The following DISP1 variants were observed in gnomAD, a reference collection of about 807,000 sequenced individuals.
DISP1 encodes the protein protein dispatched homolog 1.
DISP1 carries 30 observed loss-of-function variants against 37.3 expected under a neutral mutation model. The observed-to-expected ratio is 0.80, with a 90% confidence interval of 0.60 to 1.09. DISP1 has a LOEUF of 1.09. Among genes scored for constraint, DISP1 ranks in the 50% least tolerant of loss-of-function variants. DISP1 has a pLI of 0.00. For synonymous variants in DISP1, 634 were observed against 690.2 expected, an observed-to-expected ratio of 0.92 and a Z score of 1.28; for missense variants, 1,598 against 1,879.5, an observed-to-expected ratio of 0.85 and a Z score of 2.77.
In DISP1 at chr1:222,992,123, G is replaced by A. The variant is rs1678742897; in HGVS notation, c.889+13G>A. 1 of 1,596,866 alleles carries A rather than the reference G, an allele frequency of 6.3e-7. No individual in the cohort carries two copies. The highest frequency in any genetic ancestry group is 1.3e-5 in the African/African-American group (1 of 74,638). On this transcript the variant is annotated intron_variant, in intron 7 of 8. Transcript: ENST00000675850. The stretch of plus-strand genomic sequence containing the variant: ...TGCGACGTTCCAAGTGAGTGACATT[G>A]TAGATGAACAAACCACTCAGCAGTT...
chr1:222,968,746 C>T (rs997015325), intron 3 of DISP1, among the ~76,000 whole-genome samples: 4 of 151,858 alleles, frequency 2.6e-5, no homozygotes, highest in Admixed American at 6.6e-5. Context: ...CCAGCCTGGC[C>T]AACATGGTGA....
chr1:222,992,550 G>T (rs892601038), intron 7 of DISP1, among the ~76,000 whole-genome samples: 1 of 152,188 alleles, frequency 6.6e-6, no homozygotes, highest in Non-Finnish European at 1.5e-5. Flanking sequence ...ATGGCTTAAA[G>T]TTCTGATTCA....
chr1:222,885,469 CTTTTTTTTTT>C (rs759594613), intron 1 of DISP1, among the ~76,000 whole-genome samples: 2 of 132,862 alleles, frequency 1.5e-5, no homozygotes, highest in Non-Finnish European at 3.3e-5. Context: ...GATTTCTTTT[CTTTTTTTTTT>C]TTTTTTTGAG....
chr1:222,905,069 TAAGA>T (rs1409728567), intron 1 of DISP1, among the ~76,000 whole-genome samples: 1 of 152,122 alleles, frequency 6.6e-6, no homozygotes, highest in African/African-American at 2.4e-5. Context: ...AGATCTAAAA[TAAGA>T]AAGAAGTAAC....
At chr1:222,886,296 GC>G (rs1279493882) in intron 1 of DISP1, among the ~76,000 whole-genome samples, 1 of 152,182 alleles carries the variant, frequency 6.6e-6, no homozygotes, top group Non-Finnish European at 1.5e-5. Flanking sequence ...GGTTTATTAG[GC>G]AATAATACCA....
intron 1 of DISP1, among the ~76,000 whole-genome samples, chr1:222,860,884 AAAAC>A (rs920615557): frequency 4.6e-5 from 7 of 152,174 alleles, no homozygotes; most frequent in African/African-American, 9.7e-5. Context: ...AAAAAAACAA[AAAAC>A]AAACAAAAAA....
intron 3 of DISP1, among the ~76,000 whole-genome samples, chr1:222,953,817 A>G (rs1426762681): frequency 6.6e-6 from 1 of 152,182 alleles, no homozygotes; most frequent in Non-Finnish European, 1.5e-5. Flanking sequence ...CTTTTATTAT[A>G]AATGAACAGA....
At chr1:223,002,015 C>A (rs1679491908) in intron 8 of DISP1, among the ~76,000 whole-genome samples, 1 of 152,174 alleles carries the variant, frequency 6.6e-6, no homozygotes, top group Admixed American at 6.5e-5. Flanking sequence ...TATACATAAG[C>A]TTCACAACCT....
intron 1 of DISP1, among the ~76,000 whole-genome samples, chr1:222,873,210 G>T (rs886231705): frequency 5.9e-5 from 9 of 152,092 alleles, no homozygotes; most frequent in African/African-American, 1.9e-4. Flanking sequence ...GGTCAATTTT[G>T]GAATAGGTGT....
intron 1 of DISP1, among the ~76,000 whole-genome samples, chr1:222,895,229 G>A (rs1399082696): frequency 2.0e-5 from 3 of 152,202 alleles, no homozygotes; most frequent in African/African-American, 7.2e-5. Context: ...AGCCTAAGGA[G>A]ATACTGTCCA....
chr1:222,819,538 CTTTTTTTT>C (rs762729584), intron 1 of DISP1, among the ~76,000 whole-genome samples: 1 of 118,296 alleles, frequency 8.5e-6, no homozygotes, highest in Non-Finnish European at 1.7e-5. Context: ...ACACACATAT[CTTTTTTTT>C]TTTTTTTTTT....
At chr1:222,984,435 T>TATAGAGAGAGAGAG (rs67660273) in intron 4 of DISP1, among the ~76,000 whole-genome samples, 1 of 108,398 alleles carries the variant, frequency 9.2e-6, no homozygotes, top group African/African-American at 3.8e-5. Flanking sequence ...TATATATATA[T>TATAGAGAGAGAGAG]AGAGAGAGAG....
intron 2 of DISP1, among the ~76,000 whole-genome samples, chr1:222,934,754 A>G (rs1447951421): frequency 2.0e-5 from 3 of 152,162 alleles, no homozygotes; most frequent in African/African-American, 7.2e-5. Flanking sequence ...AATGTATCTC[A>G]GTTAACTAGG....
intron 2 of DISP1, among the ~76,000 whole-genome samples, chr1:222,938,713 A>T (rs577787214): frequency 7.4e-6 from 1 of 134,318 alleles, no homozygotes; most frequent in Admixed American, 8.0e-5. Flanking sequence ...AGCCTGGGTG[A>T]CAGAGCAAGA....
intron 1 of DISP1, among the ~76,000 whole-genome samples, chr1:222,888,344 C>A (rs1449927931): frequency 6.6e-6 from 1 of 152,044 alleles, no homozygotes; most frequent in Non-Finnish European, 1.5e-5. Flanking sequence ...CAGAGCAAAT[C>A]TCTACACACA....
At chr1:222,966,910 A>G (rs1050229802) in intron 3 of DISP1, among the ~76,000 whole-genome samples, 1 of 152,184 alleles carries the variant, frequency 6.6e-6, no homozygotes, top group Admixed American at 6.5e-5. Context: ...TGGCCAGTCC[A>G]TATACACTTG....
chr1:222,864,706 A>T (rs918446638), intron 1 of DISP1, among the ~76,000 whole-genome samples: 2 of 152,186 alleles, frequency 1.3e-5, no homozygotes, highest in African/African-American at 2.4e-5. Context: ...CATTTTTCAC[A>T]TTTGTCAGCT....
chr1:222,925,174 A>G (rs893441003), intron 1 of DISP1, among the ~76,000 whole-genome samples: 1 of 152,156 alleles, frequency 6.6e-6, no homozygotes. Context: ...TGGACCCCAA[A>G]TGTTTAAATG....
chr1:222,867,605 T>C (rs996184746), intron 1 of DISP1, among the ~76,000 whole-genome samples: 5 of 152,142 alleles, frequency 3.3e-5, no homozygotes, highest in Admixed American at 3.3e-4. Context: ...GGAGGGACTT[T>C]AGAGAGTACC....
Sources: gnomAD v4.1 joint callset for allele counts (sites outside exome capture counted in the v4.1 genomes callset) on GRCh38, gnomAD v4.1.1 for gene constraint, MANE v1.5 for transcripts, NCBI Gene and HGNC (gene_info 2026-07-23, HGNC 2026-07-21) for gene names.